Variants in KAZN observed in about 807,000 individuals in gnomAD.
The protein encoded by KAZN is kazrin, periplakin interacting protein, also known as kazrin.
A neutral mutation model predicts 87.4 loss-of-function variants in KAZN; 40 were observed. The observed-to-expected ratio is 0.46, with a 90% confidence interval of 0.36 to 0.60. The LOEUF is 0.60. KAZN is among the 20% of genes least tolerant of loss of function. The pLI is 0.00. For synonymous variants in KAZN, 466 were observed against 458.3 expected, an observed-to-expected ratio of 1.02 and a Z score of -0.22; for missense variants, 898 against 1,073.9, an observed-to-expected ratio of 0.84 and a Z score of 2.29.
At chr1:14,644,849 T>C (rs1680693623) in intron 1 of KAZN, among the ~76,000 whole-genome samples, 1 of 152,256 alleles carries the variant, frequency 6.6e-6, no homozygotes, top group South Asian at 2.1e-4. Flanking sequence ...TGATTGCTTT[T>C]GGTGTCTTTG....
intron 2 of KAZN, among the ~76,000 whole-genome samples, chr1:14,225,602 C>T (rs1647238364): frequency 6.6e-6 from 1 of 152,132 alleles, no homozygotes; most frequent in African/African-American, 2.4e-5. Context: ...ACAGAGGCAT[C>T]ATACTACCTT....
At chr1:14,604,905 G>A (rs1433534269) in intron 1 of KAZN, among the ~76,000 whole-genome samples, 3 of 152,194 alleles carry the variant, frequency 2.0e-5, no homozygotes, top group Non-Finnish European at 4.4e-5. Context: ...GTTGGGGAGA[G>A]GAGGTGTCCT....
At chr1:14,192,834 G>A (rs1050060486) in intron 2 of KAZN, among the ~76,000 whole-genome samples, 1 of 152,126 alleles carries the variant, frequency 6.6e-6, no homozygotes, top group Non-Finnish European at 1.5e-5. Flanking sequence ...CTATGTTGAA[G>A]TCCTAGCTCC....
intron 2 of KAZN, among the ~76,000 whole-genome samples, chr1:15,010,170 TTGTC>T (rs1226098102): frequency 6.6e-6 from 1 of 152,246 alleles, no homozygotes; most frequent in Non-Finnish European, 1.5e-5. Flanking sequence ...AACATGTTGT[TTGTC>T]TGGTAGGTTT....
chr1:14,620,076 A>G (rs896478095), intron 1 of KAZN, among the ~76,000 whole-genome samples: 6 of 152,212 alleles, frequency 3.9e-5, no homozygotes, highest in African/African-American at 1.4e-4. Flanking sequence ...ACAGTTACCC[A>G]TCTGTACAAT....
chr1:14,342,601 A>G (rs1038358545), intron 2 of KAZN, among the ~76,000 whole-genome samples: 3 of 152,224 alleles, frequency 2.0e-5, no homozygotes, highest in African/African-American at 4.8e-5. Context: ...TGAGTGCCGA[A>G]CCCAATGCTT....
chr1:14,342,559 T>G (rs546606415), intron 2 of KAZN, among the ~76,000 whole-genome samples: 1 of 152,332 alleles, frequency 6.6e-6, no homozygotes, highest in South Asian at 2.1e-4. Context: ...GAGTAGGCCT[T>G]CAATAAATGA....
intron 1 of KAZN, among the ~76,000 whole-genome samples, chr1:14,161,438 GCTA>G (rs1424962305): frequency 6.6e-6 from 1 of 152,200 alleles, no homozygotes; most frequent in African/African-American, 2.4e-5. Context: ...GTGAGTTTGT[GCTA>G]CTATTTAGTA....
At chr1:14,311,037 T>C (rs61771855) in intron 2 of KAZN, among the ~76,000 whole-genome samples, 4,117 of 152,340 alleles carry the variant, frequency 0.027, 75 homozygotes, top group Middle Eastern at 0.048. Context: ...CTGTGAATCA[T>C]TCTGTCACTC....
rs570274951 is a variant in KAZN, at chr1:14,148,302, C to CTCT, written c.92-32128_92-32126dup. Among the ~76,000 whole-genome samples, 70 of 152,310 alleles carry CTCT rather than the reference C, an allele frequency of 4.6e-4. 2 individuals are homozygous for CTCT. The South Asian group carries it at 0.014, about 30-fold the overall frequency. On this transcript the variant is annotated intron_variant, in intron 1 of 16. Coordinates refer to the KAZN transcript ENST00000636203. ...CCCTGCTTCTCCTCTCATCCCTGTT[C>CTCT]TCTTCTTTCTCTGTGACTTTTGGCA...
intron 2 of KAZN, among the ~76,000 whole-genome samples, chr1:14,199,450 A>G (rs982533898): frequency 6.6e-6 from 1 of 152,160 alleles, no homozygotes; most frequent in Non-Finnish European, 1.5e-5. Context: ...ACACTATTGC[A>G]TATAGTCCAC....
At chr1:13,931,181 A>C (rs528734869) in intron 1 of KAZN, among the ~76,000 whole-genome samples, 1 of 152,360 alleles carries the variant, frequency 6.6e-6, no homozygotes, top group South Asian at 2.1e-4. Flanking sequence ...AATTAATGTT[A>C]GTGAATTGCA....
rs572186703 is a variant in KAZN at position 14,468,192 on chromosome 1, C to T, written c.250-130791C>T. On this transcript the variant is annotated intron_variant, in intron 2 of 16. Coordinates refer to the KAZN transcript ENST00000636203. Reference sequence around the variant, plus strand: ...CTAAAAAATCTATGAGGTGTTCAAACGTTTGTCTTTATGTTCATGTTTTAA... The same window carrying T: ...CTAAAAAATCTATGAGGTGTTCAAATGTTTGTCTTTATGTTCATGTTTTAA... Among the ~76,000 whole-genome samples, 23 of 152,264 alleles carry T rather than the reference C, an allele frequency of 1.5e-4. No individual in the cohort carries two copies. In the East Asian group the frequency reaches 2.5e-3, roughly 17 times the overall value.
At chr1:14,572,869 C>CGG (rs894145100) in intron 2 of KAZN, among the ~76,000 whole-genome samples, 93 of 152,306 alleles carry the variant, frequency 6.1e-4, no homozygotes, top group Non-Finnish European at 7.3e-4. Flanking sequence ...ACGGATTAAA[C>CGG]ATTTATGTAA....
intron 2 of KAZN, among the ~76,000 whole-genome samples, chr1:14,562,673 A>G (rs1351065878): frequency 6.6e-6 from 1 of 152,208 alleles, no homozygotes; most frequent in East Asian, 1.9e-4. Flanking sequence ...GTTTCAACCT[A>G]TTTCTGCAGA....
intron 1 of KAZN, among the ~76,000 whole-genome samples, chr1:14,778,595 C>A (rs1557480794): frequency 6.6e-6 from 1 of 152,098 alleles, no homozygotes; most frequent in African/African-American, 2.4e-5. Flanking sequence ...GCCACCTCCC[C>A]TTTTGCTCAC....
intron 1 of KAZN, among the ~76,000 whole-genome samples, chr1:14,170,268 G>T (rs895779356): frequency 6.6e-6 from 1 of 152,126 alleles, no homozygotes; most frequent in African/African-American, 2.4e-5. Context: ...CTGTTTAAAA[G>T]GGTGGTAAAT....
chr1:14,890,866 A>C (rs1241213505), intron 1 of KAZN, among the ~76,000 whole-genome samples: 1 of 84,010 alleles, frequency 1.2e-5, no homozygotes, highest in Admixed American at 1.3e-4. Context: ...TTTTTTTTGA[A>C]GCAGTCTCGC....
At chr1:14,932,291 G>A (rs919096192) in intron 1 of KAZN, among the ~76,000 whole-genome samples, 6 of 151,638 alleles carry the variant, frequency 4.0e-5, no homozygotes, top group East Asian at 2.0e-4. Context: ...ATTGTCGGGC[G>A]TGATGCCGTT....
Sources: gnomAD v4.1 joint callset for allele counts (sites outside exome capture counted in the v4.1 genomes callset) on GRCh38, gnomAD v4.1.1 for gene constraint, MANE v1.5 for transcripts, NCBI Gene and HGNC (gene_info 2026-07-23, HGNC 2026-07-21) for gene names.